The following PRDM11 variants were observed in gnomAD, a reference collection of about 807,000 sequenced individuals.
PRDM11 encodes the protein PR/SET domain 11, also known as PR domain-containing protein 11.
Under a neutral mutation model 97.8 loss-of-function variants are expected in PRDM11, and 20 were observed. The ratio of observed to expected loss-of-function variants is 0.20; its 90% CI spans 0.14 to 0.30. The LOEUF (loss-of-function observed/expected upper bound fraction) is 0.30. Among genes scored for constraint, PRDM11 ranks in the 10% least tolerant of loss-of-function variants. PRDM11 has a pLI of 1.00. For synonymous variants in PRDM11, 599 were observed against 637.7 expected (o/e 0.94, Z 0.91); for missense variants, 1,139 against 1,555.2 (o/e 0.73, Z 4.50).
chr11:45,106,310 C>T (rs1296893127), intron 1 of PRDM11, among the ~76,000 whole-genome samples: 2 of 152,156 alleles, frequency 1.3e-5, no homozygotes, highest in South Asian at 2.1e-4. Flanking sequence ...GCCACACAGC[C>T]GTTCTCGTTG....
At chr11:45,100,465 T>C (rs1851953266) in intron 1 of PRDM11, among the ~76,000 whole-genome samples, 1 of 152,346 alleles carries the variant, frequency 6.6e-6, no homozygotes, top group East Asian at 1.9e-4. Flanking sequence ...GATGTCCTGA[T>C]TGGCAGCCCT....
chr11:45,229,088 C>G lies in PRDM11; in HGVS notation c.*929C>G, dbSNP rs1854345883. On this transcript the variant is annotated 3_prime_UTR_variant, in exon 8 of 8. Coordinates refer to ENST00000683152, the MANE Select transcript of PRDM11 (RefSeq NM_001384648.1). ...AAGAGCCAAGAAGTCCAGACCCCAA[C>G]AGGGGAGTGATTTTTGGCTAAAAAA... 1 of 152,116 alleles carries G rather than the reference C, an allele frequency of 6.6e-6. No individual in the cohort carries two copies. The highest frequency in any genetic ancestry group is 1.5e-5 in the Non-Finnish European group (1 of 68,024). The allele number at this position is 152,116 out of a possible 1,614,324, so 9.4% of individuals were successfully genotyped here.
intron 1 of PRDM11, among the ~76,000 whole-genome samples, chr11:45,153,527 G>T (rs543803908): frequency 6.6e-6 from 1 of 152,374 alleles, no homozygotes; most frequent in Admixed American, 6.5e-5. Flanking sequence ...TGTGAGGCCA[G>T]TGGACATGGG....
rs1317419456 is a variant in PRDM11 at position 45,182,738 on chromosome 11, T to C, written c.224-123T>C. The C allele has an allele frequency of 3.3e-5, 41 of 1,239,598 alleles. No homozygotes were observed. The South Asian group carries it at 4.6e-4, about 14-fold the overall frequency. The allele number at this position is 1,239,598 out of a possible 1,614,324, so 76.8% of individuals were successfully genotyped here. A position where few individuals can be genotyped will look rare whatever the true frequency, so the allele number is the denominator to read the frequency against. On this transcript the variant is annotated intron_variant, in intron 3 of 7. Coordinates refer to ENST00000683152, the MANE Select transcript of PRDM11 (RefSeq NM_001384648.1). ...GGAGAGTATGGGTTATTGCTACCGA[T>C]GACCCTGGGGCCTGCAGCTGGCTGT... is the stretch of plus-strand genomic sequence containing the variant.
intron 5 of PRDM11, among the ~76,000 whole-genome samples, chr11:45,218,475 T>G (rs1010670282): frequency 2.0e-5 from 3 of 152,268 alleles, no homozygotes; most frequent in Admixed American, 1.3e-4. Context: ...GAATTTTTGT[T>G]TCCCCTGGAC....
intron 5 of PRDM11, among the ~76,000 whole-genome samples, chr11:45,207,956 TAAAAGGG>T: frequency 6.6e-6 from 1 of 152,100 alleles, no homozygotes; most frequent in African/African-American, 2.4e-5. Context: ...TATCACTAGT[TAAAAGGG>T]TGACAGAGCC....
chr11:45,121,244 A>G (rs1852424023), intron 1 of PRDM11, among the ~76,000 whole-genome samples: 1 of 152,188 alleles, frequency 6.6e-6, no homozygotes, highest in South Asian at 2.1e-4. Flanking sequence ...CTAAAAAAAC[A>G]AGATGCAAAT....
chr11:45,144,659 T>C (rs569451690), upstream of PRDM11, among the ~76,000 whole-genome samples: 1 of 152,294 alleles, frequency 6.6e-6, no homozygotes, highest in Admixed American at 6.5e-5. Flanking sequence ...AGGACACATG[T>C]CCAACACCCT....
intron 1 of PRDM11, among the ~76,000 whole-genome samples, chr11:45,125,683 G>A: frequency 6.6e-6 from 1 of 152,178 alleles, no homozygotes; most frequent in Non-Finnish European, 1.5e-5. Context: ...GTTCTAGTTT[G>A]ATTGCACTGT....
At chr11:45,202,332 A>T (rs1853359565) in intron 4 of PRDM11, among the ~76,000 whole-genome samples, 1 of 152,216 alleles carries the variant, frequency 6.6e-6, no homozygotes, top group Non-Finnish European at 1.5e-5. Context: ...TGCTCACTGC[A>T]ATTAGGGCTC....
chr11:45,193,264 T>A (rs1852979310), intron 4 of PRDM11, among the ~76,000 whole-genome samples: 1 of 152,216 alleles, frequency 6.6e-6, no homozygotes, highest in African/African-American at 2.4e-5. Context: ...GCAACTGCCA[T>A]GATGTGTCTT....
intron 1 of PRDM11, among the ~76,000 whole-genome samples, chr11:45,115,699 G>A (rs1208342795): frequency 1.3e-5 from 2 of 152,088 alleles, no homozygotes; most frequent in African/African-American, 2.4e-5. Flanking sequence ...GGAGGCTGAC[G>A]GGGGTGGATC....
intron 6 of PRDM11, among the ~76,000 whole-genome samples, chr11:45,220,538 C>T (rs1170283302): frequency 6.6e-6 from 1 of 152,210 alleles, no homozygotes; most frequent in Non-Finnish European, 1.5e-5. Flanking sequence ...TACAGTGATT[C>T]ATCCAGGGCC....
chr11:45,124,982 G>A (rs1852530963), intron 1 of PRDM11, among the ~76,000 whole-genome samples: 1 of 151,990 alleles, frequency 6.6e-6, no homozygotes, highest in African/African-American at 2.4e-5. Context: ...ACTTTTTTTG[G>A]TTGGTAAGCT....
In PRDM11 at chr11:45,224,640, A is replaced by C. The variant is rs1854219552; in HGVS notation, c.1166A>C (p.Lys389Thr). Residue 389 changes from lysine (K) to threonine (T), a missense_variant, in exon 7 of 8, where the codon AAG becomes ACG. By Grantham distance (78) the Lys-to-Thr change is moderately conservative. Transcript: ENST00000683152. The stretch of plus-strand genomic sequence containing the variant: ...GAAGAAGAGGAGCCTTCATCATTCA[A>C]GGCCGACAGTCCTGCCGAGGCCTCC... ...EDEEEEPSSF[K>T]ADSPAEASLA... 1 of 1,614,204 alleles carries C rather than the reference A, an allele frequency of 6.2e-7. No individual in the cohort carries two copies. The highest frequency in any genetic ancestry group is 8.5e-7 in the Non-Finnish European group (1 of 1,180,032).
At chr11:45,225,801 G>C (rs1004080480) in intron 7 of PRDM11, among the ~76,000 whole-genome samples, 194 bp from the exon 8 acceptor site, 1 of 152,156 alleles carries the variant, frequency 6.6e-6, no homozygotes, top group Non-Finnish European at 1.5e-5. Flanking sequence ...CAATCACAGG[G>C]AGAGTAAAAG....
At chr11:45,187,903 C>G (rs1852767906) in intron 4 of PRDM11, among the ~76,000 whole-genome samples, 1 of 151,960 alleles carries the variant, frequency 6.6e-6, no homozygotes, top group South Asian at 2.1e-4. Flanking sequence ...GCCCTGCCTG[C>G]TCTGCTGATG....
At chr11:45,125,723 G>C (rs1852553790) in intron 1 of PRDM11, among the ~76,000 whole-genome samples, 1 of 152,142 alleles carries the variant, frequency 6.6e-6, no homozygotes, top group Non-Finnish European at 1.5e-5. Flanking sequence ...TATAATTTCT[G>C]TTCTTTTACA....
At chr11:45,130,595 CAT>C (rs1409273092) in intron 1 of PRDM11, among the ~76,000 whole-genome samples, 11 of 152,100 alleles carry the variant, frequency 7.2e-5, no homozygotes, top group African/African-American at 2.4e-4. Context: ...GGAACTCACT[CAT>C]GTATTGTTTT....
Sources: gnomAD v4.1 joint callset for allele counts (sites outside exome capture counted in the v4.1 genomes callset) on GRCh38, gnomAD v4.1.1 for gene constraint, MANE v1.5 for transcripts, NCBI Gene and HGNC (gene_info 2026-07-23, HGNC 2026-07-21) for gene names.